Variants in DAPL1 observed in about 807,000 individuals in gnomAD.
The protein encoded by DAPL1 is death-associated protein-like 1.
DAPL1 carries 17 observed loss-of-function variants against 12.9 expected under a neutral mutation model. That is an observed-to-expected ratio of 1.32 (90% confidence interval 0.90 to 1.98). The LOEUF is 1.98. Among genes scored for constraint, DAPL1 ranks in the 30% most tolerant of loss-of-function variants. The probability of loss-of-function intolerance (pLI) is 0.00; values close to 1 mark genes in which losing one functional copy is unlikely to be tolerated. For missense variants in DAPL1, 157 were observed against 125.7 expected, an observed-to-expected ratio of 1.25 and a Z score of -1.19; for synonymous variants, 51 against 42.0, an observed-to-expected ratio of 1.21 and a Z score of -0.82.
At chr2:158,795,520 C>A in intron 1 of DAPL1, 90 bp downstream of exon 1, 1 of 1,217,524 alleles carries the variant, frequency 8.2e-7, no homozygotes. Flanking sequence ...CAGACGGAAG[C>A]TTCTCTGTCT....
At chr2:158,808,999 T>C (rs1395599810) in intron 3 of DAPL1, among the ~76,000 whole-genome samples, 2 of 152,186 alleles carry the variant, frequency 1.3e-5, no homozygotes, top group East Asian at 3.9e-4. Flanking sequence ...TAAGTAACAA[T>C]ACTTAACAAC....
intron 3 of DAPL1, among the ~76,000 whole-genome samples, chr2:158,810,164 T>C (rs2059222924): frequency 1.3e-5 from 2 of 152,202 alleles, no homozygotes; most frequent in Non-Finnish European, 2.9e-5. Context: ...CCATGCTGCA[T>C]AAACTATACA....
intron 3 of DAPL1, among the ~76,000 whole-genome samples, chr2:158,814,424 C>T (rs1212723602): frequency 6.6e-6 from 1 of 152,002 alleles, no homozygotes. Flanking sequence ...ATAACTTGTA[C>T]CTGCTCATTG....
intron 3 of DAPL1, among the ~76,000 whole-genome samples, chr2:158,811,640 C>T (rs898215606): frequency 3.3e-5 from 5 of 152,146 alleles, no homozygotes; most frequent in Non-Finnish European, 5.9e-5. Context: ...TTTCTAAGTT[C>T]AATATGTTGC....
At chr2:158,801,238 G>C (rs965392284) in intron 1 of DAPL1, among the ~76,000 whole-genome samples, 1 of 152,124 alleles carries the variant, frequency 6.6e-6, no homozygotes, top group African/African-American at 2.4e-5. Context: ...AATAGCATCA[G>C]GGAAAGCAAA....
chr2:158,799,519 T>C (rs768310349), intron 1 of DAPL1, among the ~76,000 whole-genome samples: 1 of 152,080 alleles, frequency 6.6e-6, no homozygotes, highest in Non-Finnish European at 1.5e-5. Context: ...AGGAGATCAT[T>C]GTGATCAGTG....
At position 158,815,781 on chromosome 2, in the gene DAPL1, T is replaced by C. The variant is rs755275977; in HGVS notation, c.284T>C (p.Leu95Pro). 4.3e-6 allele frequency: 7 copies of C among 1,614,022 alleles called. No homozygotes were observed. Reference protein sequence around the residue: ...PTPALEKVVPLKRIYIIQQPR... With the variant: ...PTPALEKVVPPKRIYIIQQPR... ...CCTGCTCTGGAAAAGGTTGTTCCACTGAAAAGGATCTACATTATTCAGCAG... is the reference window on the plus strand; with the variant it reads ...CCTGCTCTGGAAAAGGTTGTTCCACCGAAAAGGATCTACATTATTCAGCAG... The change falls in exon 4 of 4, where the codon CTG becomes CCG. Residue 95 changes from leucine to proline, a missense_variant. Transcript: ENST00000309950.
chr2:158,814,823 T>C (rs2059251560), intron 3 of DAPL1, among the ~76,000 whole-genome samples: 1 of 152,194 alleles, frequency 6.6e-6, no homozygotes, highest in Non-Finnish European at 1.5e-5. Flanking sequence ...AGCTGAGGCA[T>C]TCCTTCCTTG....
intron 1 of DAPL1, 97 bp downstream of exon 1, chr2:158,795,527 G>A: frequency 2.6e-6 from 3 of 1,171,282 alleles, no homozygotes; most frequent in Non-Finnish European, 3.7e-6. Context: ...AAGCTTCTCT[G>A]TCTACCCAGT....
rs1489232722 is a variant in DAPL1, at chr2:158,804,645, G to T, written c.146+276G>T. On this transcript the variant is annotated intron_variant, in intron 2 of 3. Coordinates refer to ENST00000309950, the MANE Select transcript of DAPL1 (RefSeq NM_001017920.3). ...AGCCCAGCGGCCTTGCACTTAATAG[G>T]CACAGGCCTAAATGCATCCAAACCT... 4.6e-5 allele frequency among the ~76,000 whole-genome samples: 7 copies of T among 152,186 alleles called. No individual in the cohort carries two copies. The East Asian group carries it at 1.3e-3, about 29-fold the overall frequency.
intron 1 of DAPL1, among the ~76,000 whole-genome samples, chr2:158,797,787 G>A (rs1242495182): frequency 7.7e-5 from 11 of 142,104 alleles, no homozygotes; most frequent in South Asian, 2.2e-4. Flanking sequence ...GTGAGACCCC[G>A]TCTGAAAAAA....
chr2:158,803,296 G>A (rs2059179210), intron 1 of DAPL1, among the ~76,000 whole-genome samples: 1 of 152,162 alleles, frequency 6.6e-6, no homozygotes, highest in Non-Finnish European at 1.5e-5. Context: ...AGATAACCAA[G>A]ACAATAAATT....
intron 2 of DAPL1, 84 bp from the exon 3 acceptor site, chr2:158,806,971 A>C: frequency 9.9e-7 from 1 of 1,006,412 alleles, no homozygotes; most frequent in Non-Finnish European, 1.5e-6. Flanking sequence ...AAAAGGCTGG[A>C]GAGACAGCCC....
intron 3 of DAPL1, among the ~76,000 whole-genome samples, chr2:158,812,817 G>GC (rs2059238431): frequency 6.7e-5 from 10 of 148,366 alleles, no homozygotes; most frequent in Admixed American, 1.3e-4. Flanking sequence ...AAAGCAAAGA[G>GC]AAAGAGAGAG....
At chr2:158,813,617 C>G (rs930529583) in intron 3 of DAPL1, among the ~76,000 whole-genome samples, 10 of 150,338 alleles carry the variant, frequency 6.7e-5, no homozygotes, top group Admixed American at 2.6e-4. Context: ...GTGCAGTGAC[C>G]CGATCTCGGC....
chr2:158,815,086 C>T (rs1347048771), intron 3 of DAPL1, among the ~76,000 whole-genome samples: 2 of 152,194 alleles, frequency 1.3e-5, no homozygotes, highest in Non-Finnish European at 2.9e-5. Flanking sequence ...CCTATTTAAG[C>T]TTATTTACTC....
rs148795146 is a variant in DAPL1, at chr2:158,814,318, G to A, written c.208-1387G>A. Among the ~76,000 whole-genome samples, 6 of 152,096 alleles carry A rather than the reference G, an allele frequency of 3.9e-5. No homozygotes were observed. The East Asian group carries it at 1.2e-3, about 29-fold the overall frequency. ...AAAAAAAGTCATCAGGTCTTTTTTA[G>A]ACTCTAATGCAACATTTATGATCAA... On this transcript the variant is annotated intron_variant, in intron 3 of 3. Transcript: ENST00000309950.
intron 3 of DAPL1, among the ~76,000 whole-genome samples, chr2:158,814,146 T>C (rs1220291178): frequency 6.6e-6 from 1 of 152,206 alleles, no homozygotes; most frequent in Non-Finnish European, 1.5e-5. Context: ...AGACACACAG[T>C]CTGGAAGTAA....
chr2:158,797,689 G>A (rs888115537), intron 1 of DAPL1, among the ~76,000 whole-genome samples: 2 of 152,042 alleles, frequency 1.3e-5, no homozygotes, highest in African/African-American at 4.8e-5. Context: ...TACTTGGGAG[G>A]CTGAGGCAGA....
Sources: gnomAD v4.1 joint callset for allele counts (sites outside exome capture counted in the v4.1 genomes callset) on GRCh38, gnomAD v4.1.1 for gene constraint, MANE v1.5 for transcripts, NCBI Gene and HGNC (gene_info 2026-07-23, HGNC 2026-07-21) for gene names.